The following RAD51D variants were observed in gnomAD, a reference collection of about 807,000 sequenced individuals.
RAD51D encodes the protein DNA repair protein RAD51 homolog 4.
Under a neutral mutation model 44.1 loss-of-function variants are expected in RAD51D, and 38 were observed. That is an observed-to-expected ratio of 0.86 (90% confidence interval 0.67 to 1.13). The LOEUF (loss-of-function observed/expected upper bound fraction) is 1.13, where lower values mean the gene tolerates loss of function less well. Among genes scored for constraint, RAD51D ranks in the 50% most tolerant of loss-of-function variants. RAD51D has a pLI of 0.00. For missense variants in RAD51D, 390 were observed against 414.0 expected (o/e 0.94, Z 0.50); for synonymous variants, 141 against 166.6 (o/e 0.85, Z 1.18).
rs748370116 is a variant in RAD51D, at chr17:35,119,649, C to A, written c.-36G>T. The A allele has an allele frequency of 1.2e-6, 2 of 1,603,516 alleles. No individual in the cohort carries two copies. Among genetic ancestry groups the A allele is most frequent in the South Asian group, 1.1e-5 (1 of 91,046 alleles). On this transcript the variant is annotated 5_prime_UTR_variant, in exon 1 of 10. Coordinates refer to ENST00000345365, the MANE Select transcript of RAD51D (RefSeq NM_002878.4). ...GGCCGGAACAGCCCCAGGGGGACTG[C>A]ACGTCACGTGGGCATTCGCGGGGGG...
At chr17:35,119,016 C>CT in intron 2 of RAD51D, 95 bp downstream of exon 2, 1 of 1,231,106 alleles carries the variant, frequency 8.1e-7, no homozygotes. Flanking sequence ...TCCCAAAGTG[C>CT]TGGGATTACA....
At chr17:35,107,476 C>G (rs2142437684) in intron 3 of RAD51D, 29 bp from the exon 4 acceptor site, 1 of 1,496,134 alleles carries the variant, frequency 6.7e-7, no homozygotes, top group Non-Finnish European at 9.3e-7. Flanking sequence ...AAAATCAACA[C>G]AAGAGGTTAG....
intron 3 of RAD51D, among the ~76,000 whole-genome samples, chr17:35,111,025 C>T (rs779578356): frequency 2.9e-4 from 44 of 151,922 alleles, no homozygotes; most frequent in Non-Finnish European, 3.5e-4. Context: ...GAATCAAACC[C>T]GGGAGGCGGG....
In RAD51D at chr17:35,093,596, G is replaced by A. The variant is rs1048932950; in HGVS notation, c.*7357C>T. ...CCAATACCCAGACTCCTCCAAGACT[G>A]AAGGGTAACCCAGTGAGGTCTTTCA... On this transcript the variant is annotated 3_prime_UTR_variant, in exon 10 of 10. Transcript: ENST00000345365. 1 of 152,204 alleles carries A rather than the reference G, an allele frequency of 6.6e-6. No individual in the cohort carries two copies. Among genetic ancestry groups the A allele is most frequent in the African/African-American group, 2.4e-5 (1 of 41,446 alleles). 9.4% of individuals were successfully genotyped at this position (152,204 alleles called of 1,614,324 possible).
chr17:35,115,343 C>T (rs1407470155), intron 3 of RAD51D: 2 of 506,242 alleles, frequency 4.0e-6, no homozygotes, highest in South Asian at 1.4e-5. Context: ...CTAGCTCTGG[C>T]CTATAAGGAA....
At position 35,114,030 on chromosome 17, in the gene RAD51D, TG is replaced by T. The variant is rs1231800045; in HGVS notation, c.263+4470del. Among the ~76,000 whole-genome samples, 3 of 152,154 alleles carry T rather than the reference TG, an allele frequency of 2.0e-5. No homozygotes were observed. In the East Asian group the frequency reaches 5.8e-4, roughly 29 times the overall value. On this transcript the variant is annotated intron_variant, in intron 3 of 9. Transcript: ENST00000345365. ...GCTCTCGCCTGTAATCCTAGCACTT[TG>T]GGAGGCCGAGGCGGGTGGATCACGA...
rs2091478483 is a variant in RAD51D at position 35,094,987 on chromosome 17, T to A, written c.*5966A>T. On this transcript the variant is annotated 3_prime_UTR_variant, in exon 10 of 10. Transcript: ENST00000345365. ...AGGAGAACTCCCATTTTTCTTTCAGTGGCTCCAGCATGTGCTTCAGGAAAG... is the reference window on the plus strand; with the variant it reads ...AGGAGAACTCCCATTTTTCTTTCAGAGGCTCCAGCATGTGCTTCAGGAAAG... 1 of 152,268 alleles carries A rather than the reference T, an allele frequency of 6.6e-6. No homozygotes were observed. Among genetic ancestry groups the A allele is most frequent in the Non-Finnish European group, 1.5e-5 (1 of 68,074 alleles). 9.4% of individuals were successfully genotyped at this position (152,268 alleles called of 1,614,324 possible). A position where few individuals can be genotyped will look rare whatever the true frequency, so the allele number is the denominator to read the frequency against.
In RAD51D at chr17:35,103,524, A is replaced by G. The variant is rs1597858897; in HGVS notation, c.597T>C (p.Thr199=). 2 of 1,614,160 alleles carry G rather than the reference A, an allele frequency of 1.2e-6. No homozygotes were observed. Among genetic ancestry groups the G allele is most frequent in the Non-Finnish European group, 8.5e-7 (1 of 1,179,998 alleles). ...CCGAGTCCACAACCACCACCTTCAC[A>G]GTTCCTGAAGAACCAGTCACCTGAA... ...VAQQVTGSSG[T]VKVVVVDSVT... is the part of the protein sequence containing the mutation. The change falls in exon 7 of 10, where the codon ACT becomes ACC. Residue 199 remains threonine, a synonymous_variant. Transcript: ENST00000345365. The surrounding 1 kb of genome is among the most constrained non-coding windows in gnomAD (Gnocchi z 4.1).
chr17:35,101,458 A>G, intron 8 of RAD51D, 93 bp from the exon 9 acceptor site: 1 of 1,387,822 alleles, frequency 7.2e-7, no homozygotes. Flanking sequence ...ACAGAGGCCT[A>G]GCACAGAGAA....
intron 8 of RAD51D, among the ~76,000 whole-genome samples, 172 bp from the exon 9 acceptor site, chr17:35,101,537 C>T (rs1368263024): frequency 6.6e-6 from 1 of 152,164 alleles, no homozygotes; most frequent in Admixed American, 6.6e-5. Flanking sequence ...CTGACTTGTG[C>T]CCCGCTCTTT....
rs1284754644 is a variant in RAD51D, at chr17:35,100,219, C to A, written c.*734G>T. 1.9e-6 allele frequency: 1 copy of A among 532,716 alleles called. No homozygotes were observed. The highest frequency in any genetic ancestry group is 1.5e-5 in the South Asian group (1 of 65,162). 33.0% of individuals were successfully genotyped at this position (532,716 alleles called of 1,614,324 possible). A position where few individuals can be genotyped will look rare whatever the true frequency, so the allele number is the denominator to read the frequency against. ...ACCCTCCCTTTCTGTTAAATTATAT[C>A]CCTGGAACTGCAGCGAGCCCACACG... On this transcript the variant is annotated 3_prime_UTR_variant, in exon 10 of 10. Transcript: ENST00000345365.
chr17:35,107,291 C>G, intron 4 of RAD51D, 75 bp downstream of exon 4: 1 of 1,465,740 alleles, frequency 6.8e-7, no homozygotes, highest in East Asian at 2.3e-5. Context: ...TACGCTGAAG[C>G]TCCCCCAGGG....
intron 3 of RAD51D, among the ~76,000 whole-genome samples, chr17:35,110,911 G>A (rs1275712510): frequency 1.3e-5 from 2 of 152,032 alleles, no homozygotes; most frequent in Admixed American, 1.3e-4. Context: ...TTCAAGACCA[G>A]CCTGGCCAAC....
At position 35,107,055 on chromosome 17, in the gene RAD51D, T is replaced by A. The variant is rs201676898; in HGVS notation, c.413A>T (p.Asn138Ile). The A allele has an allele frequency of 6.2e-7, 1 of 1,614,132 alleles. No homozygotes were observed. The highest frequency in any genetic ancestry group is 8.5e-7 in the Non-Finnish European group (1 of 1,180,010). Residue 138 changes from asparagine (N) to isoleucine (I), a missense_variant, in exon 5 of 10, where the codon AAT becomes ATT. Coordinates refer to ENST00000345365, the MANE Select transcript of RAD51D (RefSeq NM_002878.4). ...GAGGCGGGAAGCTGTCAGCCCTCCA[T>A]TGGAATCTACATATAGGACGTTTTG... is the stretch of plus-strand genomic sequence containing the variant. ...LQQNVLYVDS[N>I]GGLTASRLLQ...
chr17:35,119,340 A>G, intron 1 of RAD51D, 168 bp from the exon 2 acceptor site: 4 of 890,748 alleles, frequency 4.5e-6, no homozygotes, highest in Admixed American at 2.0e-5. Context: ...CCCTGCACAC[A>G]GTAGGAATCT....
At chr17:35,117,660 T>C (rs1310267783) in intron 3 of RAD51D, among the ~76,000 whole-genome samples, 1 of 152,134 alleles carries the variant, frequency 6.6e-6, no homozygotes. Flanking sequence ...CGACTAATTT[T>C]TGTATGTTTA....
chr17:35,116,466 A>G (rs903872378), intron 3 of RAD51D, among the ~76,000 whole-genome samples: 1 of 152,120 alleles, frequency 6.6e-6, no homozygotes, highest in Admixed American at 6.6e-5. Context: ...CTTCACCTAT[A>G]GAATGATGAT....
rs928302624 is a variant in RAD51D, at chr17:35,119,797, C to G, written c.-184G>C. On this transcript the variant is annotated 5_prime_UTR_variant, in exon 1 of 10. Coordinates refer to ENST00000345365, the MANE Select transcript of RAD51D (RefSeq NM_002878.4). ...TAGGGCTGGGGGTCATCCGCCCGCC[C>G]GGGATCCGCCGGGATTCCCGCGCCC... 4.2e-6 allele frequency: 3 copies of G among 709,062 alleles called. No individual in the cohort carries two copies. The highest frequency in any genetic ancestry group is 3.0e-5 in the South Asian group (2 of 66,902). The allele number at this position is 709,062 out of a possible 1,614,324, so 43.9% of individuals were successfully genotyped here.
intron 6 of RAD51D, among the ~76,000 whole-genome samples, chr17:35,104,389 A>G (rs1333614913): frequency 1.3e-5 from 2 of 152,098 alleles, no homozygotes; most frequent in East Asian, 1.9e-4. Context: ...ATGCCTCCAA[A>G]TAAATTCCCT....
Sources: gnomAD v4.1 joint callset for allele counts (sites outside exome capture counted in the v4.1 genomes callset) on GRCh38, gnomAD v4.1.1 for gene constraint, Gnocchi (gnomAD v3.1) non-coding constraint, MANE v1.5 for transcripts, NCBI Gene and HGNC (gene_info 2026-07-23, HGNC 2026-07-21) for gene names.